The following ARHGEF10 variants were observed in gnomAD, a reference collection of about 807,000 sequenced individuals.
ARHGEF10 encodes the protein Rho guanine nucleotide exchange factor (GEF) 10.
ARHGEF10 carries 140 observed loss-of-function variants against 147.4 expected under a neutral mutation model. The observed-to-expected ratio is 0.95, with a 90% CI of 0.83 to 1.09. ARHGEF10 has a LOEUF of 1.09. Among genes scored for constraint, ARHGEF10 ranks in the 50% least tolerant of loss-of-function variants. The pLI, the probability that ARHGEF10 is intolerant of heterozygous loss-of-function variation, is 0.00. For missense variants in ARHGEF10, 2,222 were observed against 1,752.7 expected, an observed-to-expected ratio of 1.27 and a Z score of -4.78; for synonymous variants, 902 against 695.8, an observed-to-expected ratio of 1.30 and a Z score of -4.67.
At chr8:1,833,279 G>A (rs1223868236) in intron 1 of ARHGEF10, among the ~76,000 whole-genome samples, 14 of 145,710 alleles carry the variant, frequency 9.6e-5, no homozygotes, top group Admixed American at 6.8e-4. Flanking sequence ...CAGAGACAGA[G>A]GTAGAGACAG....
At position 1,957,375 on chromosome 8, in the gene ARHGEF10, A is replaced by C; in HGVS notation, c.*112A>C. 6.8e-7 allele frequency: 1 copy of C among 1,466,728 alleles called. No individual in the cohort carries two copies. Among genetic ancestry groups the C allele is most frequent in the South Asian group, 1.2e-5 (1 of 80,602 alleles). 90.9% of individuals were successfully genotyped at this position (1,466,728 alleles called of 1,614,324 possible). On this transcript the variant is annotated 3_prime_UTR_variant, in exon 29 of 29. Transcript: ENST00000349830. Reference sequence around the variant, plus strand: ...TACACTGGTTGGGAATAAATTAAAAACAGTATTTGGGGGAGAAACGTGCAA... The same window carrying C: ...TACACTGGTTGGGAATAAATTAAAACCAGTATTTGGGGGAGAAACGTGCAA...
In ARHGEF10 at chr8:1,882,693, G is replaced by A. The variant is rs1808312550; in HGVS notation, c.1019G>A (p.Arg340Lys). ...ACCAAGGACGGGCTGGAGAGGACCAGGGCAGCCGTGAAGAGGGGCCGCTCC... is the reference window on the plus strand; with the variant it reads ...ACCAAGGACGGGCTGGAGAGGACCAAGGCAGCCGTGAAGAGGGGCCGCTCC... Reference protein sequence around the residue: ...DGTKDGLERTRAAVKRGRSFI... With the variant: ...DGTKDGLERTKAAVKRGRSFI... Residue 340 changes from arginine (R) to lysine (K), a missense_variant, in exon 10 of 29, where the codon AGG becomes AAG. Coordinates refer to ENST00000349830, the MANE Select transcript of ARHGEF10 (RefSeq NM_014629.4). 1.3e-6 allele frequency: 2 copies of A among 1,557,326 alleles called. No homozygotes were observed. Among genetic ancestry groups the A allele is most frequent in the East Asian group, 4.8e-5 (2 of 41,744 alleles).
chr8:1,876,744 C>A lies in ARHGEF10; in HGVS notation c.843+10C>A. ...CAACCACAAAAAGCAAGTACGTGTT[C>A]CCTGCACATGTGAGGGATGGTTCTC... On this transcript the variant is annotated intron_variant, in intron 8 of 28. Transcript: ENST00000349830. The A allele has an allele frequency of 6.2e-7, 1 of 1,614,040 alleles. No individual in the cohort carries two copies. The highest frequency in any genetic ancestry group is 8.5e-7 in the Non-Finnish European group (1 of 1,179,936).
intron 10 of ARHGEF10, among the ~76,000 whole-genome samples, 172 bp downstream of exon 10, chr8:1,882,921 G>A (rs866373559): frequency 2.8e-4 from 43 of 152,326 alleles, no homozygotes; most frequent in African/African-American, 1.0e-3. Context: ...CAGCCTCCCC[G>A]TCCTGCAGGG....
chr8:1,860,101 A>T lies in ARHGEF10; in HGVS notation c.398A>T (p.Tyr133Phe). The change falls in exon 4 of 29, where the codon TAT (tyrosine) becomes TTT (phenylalanine). Residue 133 changes from tyrosine to phenylalanine, a missense_variant. Physicochemically the swap from Tyr to Phe is conservative, Grantham distance 22. Coordinates refer to ENST00000349830, the MANE Select transcript of ARHGEF10 (RefSeq NM_014629.4). ...CGYLVPVPCG[Y>F]AVPSNLPLLL... ...TACTTGGTGCCTGTACCCTGCGGCT[A>T]TGCGGTGCCCTCCAACCTGCCCCTC... is the stretch of plus-strand genomic sequence containing the variant. 6.2e-7 allele frequency: 1 copy of T among 1,614,010 alleles called. No homozygotes were observed. Among genetic ancestry groups the T allele is most frequent in the Non-Finnish European group, 8.5e-7 (1 of 1,179,994 alleles).
intron 1 of ARHGEF10, among the ~76,000 whole-genome samples, chr8:1,837,793 G>C (rs917934513): frequency 4.5e-4 from 69 of 152,144 alleles, no homozygotes; most frequent in African/African-American, 1.6e-3. Context: ...CCTCGGCTGC[G>C]TCGTATTACT....
At chr8:1,949,017 C>CGTGT (rs565106499) in intron 27 of ARHGEF10, among the ~76,000 whole-genome samples, 8 of 102,934 alleles carry the variant, frequency 7.8e-5, no homozygotes, top group African/African-American at 2.2e-4. Flanking sequence ...AATGGGTTTT[C>CGTGT]ATGTGTGTGT....
intron 11 of ARHGEF10, among the ~76,000 whole-genome samples, chr8:1,889,960 G>T (rs573296929): frequency 6.9e-6 from 1 of 144,946 alleles, no homozygotes; most frequent in African/African-American, 2.6e-5. Flanking sequence ...CTGAGTGGGG[G>T]AGGGGTATGT....
intron 14 of ARHGEF10, among the ~76,000 whole-genome samples, chr8:1,897,036 G>T (rs906161370): frequency 4.6e-5 from 7 of 152,206 alleles, no homozygotes; most frequent in African/African-American, 1.7e-4. Context: ...GCTGTGTTCT[G>T]ACAGTTTGCT....
At chr8:1,827,004 G>A (rs989776218) in intron 1 of ARHGEF10, among the ~76,000 whole-genome samples, 1 of 152,230 alleles carries the variant, frequency 6.6e-6, no homozygotes, top group Non-Finnish European at 1.5e-5. Context: ...CCAGGCCCAG[G>A]GGCTGCCAAG....
intron 4 of ARHGEF10, 88 bp from the exon 5 acceptor site, chr8:1,864,285 G>A: frequency 7.4e-7 from 1 of 1,358,654 alleles, no homozygotes; most frequent in Admixed American, 1.7e-5. Context: ...ATAGGAAAGT[G>A]TGAAACCATT....
chr8:1,946,433 G>A (rs992833409), intron 27 of ARHGEF10, among the ~76,000 whole-genome samples: 1 of 152,214 alleles, frequency 6.6e-6, no homozygotes, highest in African/African-American at 2.4e-5. Context: ...GCATGCCGGG[G>A]AGCACGGTGC....
At chr8:1,927,335 C>T (rs1812766287) in intron 23 of ARHGEF10, 1 of 152,134 alleles carries the variant, frequency 6.6e-6, no homozygotes, top group Non-Finnish European at 1.5e-5. Flanking sequence ...GGCATCCTTC[C>T]CACAAAAGCA....
At chr8:1,847,511 C>T (rs1464480165) in intron 2 of ARHGEF10, among the ~76,000 whole-genome samples, 1 of 152,110 alleles carries the variant, frequency 6.6e-6, no homozygotes, top group Non-Finnish European at 1.5e-5. Flanking sequence ...AAATCATTTA[C>T]CAAATACCTG....
rs1815758986 is a variant in ARHGEF10 at position 1,958,616 on chromosome 8, A to T, written c.*1353A>T. 6.6e-6 allele frequency: 1 copy of T among 151,612 alleles called. No homozygotes were observed. The highest frequency in any genetic ancestry group is 1.5e-5 in the Non-Finnish European group (1 of 67,970). 9.4% of individuals were successfully genotyped at this position (151,612 alleles called of 1,614,324 possible). ...TGTTAGCTGCTGTCTGACTTCATCA[A>T]TAAAGTATTTTTATTTTAAAATGCA... On this transcript the variant is annotated 3_prime_UTR_variant, in exon 29 of 29. Transcript: ENST00000349830.
intron 9 of ARHGEF10, among the ~76,000 whole-genome samples, chr8:1,882,428 C>G (rs1036675264): frequency 3.3e-5 from 5 of 152,198 alleles, no homozygotes; most frequent in Non-Finnish European, 7.3e-5. Context: ...CATGTTTCAC[C>G]ATGTCCAGGA....
At chr8:1,924,981 G>C (rs1470741513) in intron 21 of ARHGEF10, among the ~76,000 whole-genome samples, 1 of 152,186 alleles carries the variant, frequency 6.6e-6, no homozygotes, top group East Asian at 1.9e-4. Context: ...AAGGGAAGTG[G>C]ACCTATGTGG....
At chr8:1,852,085 G>A (rs1475905010) in intron 2 of ARHGEF10, among the ~76,000 whole-genome samples, 1 of 152,110 alleles carries the variant, frequency 6.6e-6, no homozygotes, top group Non-Finnish European at 1.5e-5. Flanking sequence ...CTAGGCTCAG[G>A]TGTCTACAAA....
At chr8:1,873,537 C>G (rs1010983604) in intron 7 of ARHGEF10, among the ~76,000 whole-genome samples, 1 of 95,226 alleles carries the variant, frequency 1.1e-5, no homozygotes, top group Admixed American at 1.1e-4. Context: ...GGGTAGTGCA[C>G]CCGCATTTCC....
Sources: allele counts gnomAD v4.1 joint callset (sites outside exome capture counted in the v4.1 genomes callset), GRCh38; gene constraint gnomAD v4.1.1; transcripts MANE v1.5; gene names NCBI Gene and HGNC (gene_info 2026-07-23, HGNC 2026-07-21).